LRRC4C: variants seen among roughly 807,000 people sequenced by gnomAD.
The protein encoded by LRRC4C is leucine rich repeat containing 4C, also known as leucine-rich repeat-containing protein 4C.
A neutral mutation model predicts 33.6 loss-of-function variants in LRRC4C; 5 were observed. The observed-to-expected ratio is 0.15, with a 90% CI of 0.08 to 0.31. The LOEUF is 0.31. LRRC4C is among the 10% of genes least tolerant of loss of function. The probability of loss-of-function intolerance (pLI) is 1.00; values close to 1 mark genes in which losing one functional copy is unlikely to be tolerated. For synonymous variants in LRRC4C, 329 were observed against 302.0 expected, an observed-to-expected ratio of 1.09 and a Z score of -0.93; for missense variants, 560 against 796.7, an observed-to-expected ratio of 0.70 and a Z score of 3.58.
intron 2 of LRRC4C, among the ~76,000 whole-genome samples, chr11:40,771,499 T>G (rs143599063): frequency 4.5e-4 from 69 of 152,308 alleles, no homozygotes; most frequent in Middle Eastern, 6.8e-3. Context: ...TTTCAGTGAT[T>G]AACATTCGGC....
intron 3 of LRRC4C, among the ~76,000 whole-genome samples, chr11:40,625,927 T>C (rs1172188052): frequency 6.6e-6 from 1 of 152,126 alleles, no homozygotes; most frequent in Non-Finnish European, 1.5e-5. Context: ...CCAAGTCTAA[T>C]CTCAAAAGAG....
At chr11:41,153,533 T>C (rs1339510120) in intron 1 of LRRC4C, among the ~76,000 whole-genome samples, 3 of 152,288 alleles carry the variant, frequency 2.0e-5, no homozygotes, top group African/African-American at 7.2e-5. Context: ...GGAATAAATA[T>C]AGAATACATT....
chr11:40,229,826 C>G (rs1865074864), intron 5 of LRRC4C, among the ~76,000 whole-genome samples: 1 of 152,152 alleles, frequency 6.6e-6, no homozygotes, highest in African/African-American at 2.4e-5. Flanking sequence ...AGTTTTGCAC[C>G]TTACACTTAT....
chr11:40,777,836 C>T lies in LRRC4C; in HGVS notation c.-406-129558G>A, dbSNP rs192192804. On this transcript the variant is annotated intron_variant, in intron 2 of 6. Transcript: ENST00000528697. ...CCGAGTAGCTGGGACTACAGGCGCCCGCCACCATGCCCAGCTAATTTTTTT... is the reference window on the plus strand; with the variant it reads ...CCGAGTAGCTGGGACTACAGGCGCCTGCCACCATGCCCAGCTAATTTTTTT... Among the ~76,000 whole-genome samples the T allele has an allele frequency of 6.4e-3, 979 of 151,894 alleles. 6 individuals are homozygous for T. Among genetic ancestry groups the T allele is most frequent in the South Asian group, 1.0e-2 (48 of 4,804 alleles).
intron 3 of LRRC4C, among the ~76,000 whole-genome samples, chr11:40,604,438 T>A (rs1174197636): frequency 6.6e-6 from 1 of 152,152 alleles, no homozygotes; most frequent in Non-Finnish European, 1.5e-5. Flanking sequence ...TAGAAATTAT[T>A]GAGCTTGTAT....
At chr11:41,310,980 A>C (rs1194333863) in intron 1 of LRRC4C, among the ~76,000 whole-genome samples, 1 of 152,230 alleles carries the variant, frequency 6.6e-6, no homozygotes, top group Non-Finnish European at 1.5e-5. Context: ...CACAACCTTC[A>C]CACACACAAG....
At chr11:41,092,350 A>G (rs1431212496) in intron 1 of LRRC4C, among the ~76,000 whole-genome samples, 1 of 152,170 alleles carries the variant, frequency 6.6e-6, no homozygotes, top group Non-Finnish European at 1.5e-5. Flanking sequence ...TTCTCTGTGA[A>G]TATTACACAG....
chr11:40,440,385 T>C (rs1386110641), intron 3 of LRRC4C, among the ~76,000 whole-genome samples: 1 of 150,276 alleles, frequency 6.7e-6, no homozygotes, highest in East Asian at 2.0e-4. Flanking sequence ...AACAATCCCA[T>C]CATATTTAGG....
chr11:40,357,694 A>G lies in LRRC4C; in HGVS notation c.-269-37973T>C, dbSNP rs542182845. On this transcript the variant is annotated intron_variant, in intron 3 of 6. Transcript: ENST00000528697. ...CCTTCTCTCTCTCTCTCTCTCTCAT[A>G]TGCACAGAGTCATGGAGGTATATTC... is the stretch of plus-strand genomic sequence containing the variant. 2.0e-5 allele frequency among the ~76,000 whole-genome samples: 3 copies of G among 152,160 alleles called. No homozygotes were observed. The South Asian group carries it at 6.2e-4, about 32-fold the overall frequency.
intron 1 of LRRC4C, among the ~76,000 whole-genome samples, chr11:40,968,603 C>T (rs1435415597): frequency 6.6e-6 from 1 of 152,036 alleles, no homozygotes; most frequent in Non-Finnish European, 1.5e-5. Flanking sequence ...AGCTAATGCT[C>T]ATTTACAACT....
chr11:40,168,505 C>T (rs995436874), intron 5 of LRRC4C, among the ~76,000 whole-genome samples: 5 of 152,156 alleles, frequency 3.3e-5, no homozygotes, highest in South Asian at 4.1e-4. Context: ...AGAAAAGAAA[C>T]CTGAAAAATC....
At chr11:40,313,722 C>G (rs1029183441) in intron 4 of LRRC4C, among the ~76,000 whole-genome samples, 28 of 150,774 alleles carry the variant, frequency 1.9e-4, no homozygotes, top group Admixed American at 5.3e-4. Flanking sequence ...ATTCTCTTGC[C>G]TCAGTCTCCC....
intron 1 of LRRC4C, among the ~76,000 whole-genome samples, chr11:41,370,629 G>C (rs557829433): frequency 1.3e-5 from 2 of 152,232 alleles, no homozygotes; most frequent in African/African-American, 4.8e-5. Flanking sequence ...GGAACTGTAA[G>C]TCCAATTAAA....
chr11:41,353,616 C>T (rs900980824), intron 1 of LRRC4C, among the ~76,000 whole-genome samples: 1 of 151,936 alleles, frequency 6.6e-6, no homozygotes, highest in East Asian at 1.9e-4. Context: ...GATGCAAAAA[C>T]CTTCAACAAA....
At chr11:40,747,196 G>T (rs1948471288) in intron 2 of LRRC4C, among the ~76,000 whole-genome samples, 1 of 152,142 alleles carries the variant, frequency 6.6e-6, no homozygotes, top group Admixed American at 6.5e-5. Context: ...CACCACTGGG[G>T]CCCAAAGATC....
chr11:41,115,477 A>AT (rs1336258010), intron 1 of LRRC4C, among the ~76,000 whole-genome samples: 2 of 151,714 alleles, frequency 1.3e-5, no homozygotes, highest in African/African-American at 4.8e-5. Context: ...GTCAAAAATT[A>AT]TTTTTGCTAT....
At chr11:41,207,866 G>A (rs1946663328) in intron 1 of LRRC4C, among the ~76,000 whole-genome samples, 1 of 152,172 alleles carries the variant, frequency 6.6e-6, no homozygotes, top group South Asian at 2.1e-4. Context: ...GAAGTGGGGT[G>A]CTGATTTAAC....
intron 3 of LRRC4C, among the ~76,000 whole-genome samples, chr11:40,442,468 A>G (rs548079326): frequency 6.6e-6 from 1 of 152,304 alleles, no homozygotes; most frequent in South Asian, 2.1e-4. Context: ...AGACCAATAT[A>G]TAAATAATTG....
chr11:40,768,648 G>T (rs919030139), intron 2 of LRRC4C, among the ~76,000 whole-genome samples: 5 of 152,214 alleles, frequency 3.3e-5, no homozygotes, highest in Non-Finnish European at 1.5e-5. Context: ...CTATGACCAA[G>T]TGGGATTTAT....
Sources: gnomAD v4.1 joint callset for allele counts (sites outside exome capture counted in the v4.1 genomes callset) on GRCh38, gnomAD v4.1.1 for gene constraint, MANE v1.5 for transcripts, NCBI Gene and HGNC (gene_info 2026-07-23, HGNC 2026-07-21) for gene names.